The following SLC30A9 variants were observed in gnomAD, a reference collection of about 807,000 sequenced individuals.
SLC30A9 encodes the protein solute carrier family 30 member 9.
In SLC30A9, 58 loss-of-function variants were observed where a neutral mutation model predicts 87.5. That is an observed-to-expected ratio of 0.66 (90% confidence interval 0.54 to 0.82). SLC30A9 has a LOEUF of 0.82. SLC30A9 is among the 40% of genes least tolerant of loss of function. The pLI, the probability that SLC30A9 is intolerant of heterozygous loss-of-function variation, is 0.00. For missense variants in SLC30A9, 557 were observed against 679.1 expected (o/e 0.82, Z 2.00); for synonymous variants, 234 against 233.0 (o/e 1.00, Z -0.04).
intron 1 of SLC30A9, among the ~76,000 whole-genome samples, chr4:41,998,019 A>C (rs1714799014): frequency 6.6e-6 from 1 of 152,132 alleles, no homozygotes; most frequent in African/African-American, 2.4e-5. Context: ...TATACAGTAG[A>C]CTGAGTTGTC....
At chr4:42,025,639 G>T (rs917570343) in intron 6 of SLC30A9, among the ~76,000 whole-genome samples, 8 of 152,084 alleles carry the variant, frequency 5.3e-5, no homozygotes, top group Non-Finnish European at 8.8e-5. Flanking sequence ...AGGATTTTTG[G>T]CCTCAGAAAA....
intron 6 of SLC30A9, chr4:42,030,102 A>T (rs1716359897): frequency 1.1e-6 from 1 of 933,180 alleles, no homozygotes; most frequent in Admixed American, 2.8e-5. Flanking sequence ...CCTTTGATGT[A>T]AAAATTGAAG....
chr4:42,082,473 A>G (rs1331976509), intron 17 of SLC30A9, among the ~76,000 whole-genome samples: 1 of 152,186 alleles, frequency 6.6e-6, no homozygotes, highest in Admixed American at 6.5e-5. Context: ...ACACTCATTT[A>G]TATAATTCTG....
chr4:42,034,825 A>G (rs1716611976), intron 6 of SLC30A9, among the ~76,000 whole-genome samples: 5 of 152,144 alleles, frequency 3.3e-5, no homozygotes, highest in Admixed American at 2.6e-4. Flanking sequence ...TGGTAATTCT[A>G]TGTTACAGTT....
chr4:42,065,367 G>A lies in SLC30A9; in HGVS notation c.1072+18G>A. 1 of 1,238,976 alleles carries A rather than the reference G, an allele frequency of 8.1e-7. No individual in the cohort carries two copies. Among genetic ancestry groups the A allele is most frequent in the African/African-American group, 1.5e-5 (1 of 67,786 alleles). 76.7% of individuals were successfully genotyped at this position (1,238,976 alleles called of 1,614,324 possible). On this transcript the variant is annotated intron_variant, in intron 12 of 17. Coordinates refer to ENST00000264451, the MANE Select transcript of SLC30A9 (RefSeq NM_006345.4). ...TGAAGGAGGTATGTACTGTCACAAA[G>A]TATGTCTCTATTCTTAATTTAGTAA...
chr4:42,069,492 C>T (rs758836841), intron 14 of SLC30A9, among the ~76,000 whole-genome samples: 1 of 152,154 alleles, frequency 6.6e-6, no homozygotes, highest in Non-Finnish European at 1.5e-5. Flanking sequence ...AATTACAAAA[C>T]TTCTAATGGA....
chr4:42,073,969 A>G (rs116161912), intron 15 of SLC30A9, among the ~76,000 whole-genome samples: 70 of 152,338 alleles, frequency 4.6e-4, no homozygotes, highest in Non-Finnish European at 9.1e-4. Flanking sequence ...AGGAAAAAGT[A>G]TATCTAAATA....
chr4:42,013,415 A>G (rs961947439), intron 2 of SLC30A9, among the ~76,000 whole-genome samples: 3 of 152,218 alleles, frequency 2.0e-5, no homozygotes, highest in African/African-American at 7.2e-5. Context: ...TTTCTGGGCA[A>G]CAAGAAAAAA....
intron 9 of SLC30A9, among the ~76,000 whole-genome samples, chr4:42,056,098 A>T (rs1407007917): frequency 2.0e-5 from 3 of 152,190 alleles, no homozygotes; most frequent in Non-Finnish European, 4.4e-5. Context: ...ACTAATAAAT[A>T]TGGTCCATAT....
At chr4:42,021,621 A>C (rs945465378) in intron 4 of SLC30A9, among the ~76,000 whole-genome samples, 1 of 152,246 alleles carries the variant, frequency 6.6e-6, no homozygotes. Flanking sequence ...TTATGACATC[A>C]TTCCTTTGAA....
intron 2 of SLC30A9, among the ~76,000 whole-genome samples, chr4:42,006,289 C>G (rs1053876492): frequency 6.6e-6 from 1 of 152,144 alleles, no homozygotes; most frequent in African/African-American, 2.4e-5. Flanking sequence ...AGGGGAAATT[C>G]ATTAATGGTG....
In SLC30A9 at chr4:41,990,772, G is replaced by C; in HGVS notation, c.109+12G>C. The C allele has an allele frequency of 3.8e-6, 6 of 1,592,294 alleles. No homozygotes were observed. The highest frequency in any genetic ancestry group is 5.1e-6 in the Non-Finnish European group (6 of 1,165,162). Reference sequence around the variant, plus strand: ...CAGCGACCGCCAGGGTGAGTGTCCCGCGCTGGCCGCTGGCTCCGTAGAAGC... The same window carrying C: ...CAGCGACCGCCAGGGTGAGTGTCCCCCGCTGGCCGCTGGCTCCGTAGAAGC... On this transcript the variant is annotated intron_variant, in intron 1 of 17. Transcript: ENST00000264451.
At position 42,001,730 on chromosome 4, in the gene SLC30A9, G is replaced by A. The variant is rs777066247; in HGVS notation, c.224G>A (p.Gly75Glu). The A allele has an allele frequency of 3.7e-6, 6 of 1,611,534 alleles. No individual in the cohort carries two copies. Among genetic ancestry groups the A allele is most frequent in the African/African-American group, 1.3e-5 (1 of 74,884 alleles). ...TACTCCACAAATGTTCAGAAAGAAG[G>A]ACAGGGATCACAAACACTCAGAGTG... Reference protein sequence around the residue: ...KLYSTNVQKEGQGSQTLRVEK... With the variant: ...KLYSTNVQKEEQGSQTLRVEK... The change falls in exon 2 of 18, where the codon GGA becomes GAA. Residue 75 changes from glycine to glutamate, a missense_variant. By Grantham distance (98) the Gly-to-Glu change is moderately conservative. Coordinates refer to ENST00000264451, the MANE Select transcript of SLC30A9 (RefSeq NM_006345.4).
rs113427044 is a variant in SLC30A9 at position 42,075,620 on chromosome 4, G to A, written c.1419-37G>A. 2.1e-4 allele frequency: 337 copies of A among 1,571,232 alleles called. 1 individual carries two copies. The African/African-American group carries it at 4.1e-3, about 19-fold the overall frequency. ...TTAAAGTATATATATGTGTATGTAT[G>A]TATAAATAAATTTGTATGCATTGTT... On this transcript the variant is annotated intron_variant, in intron 15 of 17. Transcript: ENST00000264451.
intron 9 of SLC30A9, among the ~76,000 whole-genome samples, chr4:42,053,062 C>T (rs1011472540): frequency 1.3e-5 from 2 of 152,212 alleles, no homozygotes; most frequent in East Asian, 3.9e-4. Flanking sequence ...AAGATTTGGG[C>T]AGGTACTTCA....
chr4:42,031,070 A>G (rs1247090943), intron 6 of SLC30A9, among the ~76,000 whole-genome samples: 2 of 152,262 alleles, frequency 1.3e-5, no homozygotes, highest in African/African-American at 4.8e-5. Flanking sequence ...AGTGTATGAA[A>G]TAAACCACAG....
In SLC30A9 at chr4:42,034,224, CTTTATCTCA is replaced by C. The variant is rs559078966; in HGVS notation, c.611-1048_611-1040del. Reference sequence around the variant, plus strand: ...TGAGAAAAGAATCTTACCAAACTGTCTTTATCTCATTGCAAATCCAGATTTTCCTGCCTC... The same window carrying C: ...TGAGAAAAGAATCTTACCAAACTGTCTTGCAAATCCAGATTTTCCTGCCTC... On this transcript the variant is annotated intron_variant, in intron 6 of 17. Transcript: ENST00000264451. 8.2e-3 allele frequency among the ~76,000 whole-genome samples: 1,253 copies of C among 152,214 alleles called. 22 individuals carry two copies. Among genetic ancestry groups the C allele is most frequent in the African/African-American group, 0.029 (1,193 of 41,550 alleles).
chr4:41,999,403 A>G (rs962323619), intron 1 of SLC30A9, among the ~76,000 whole-genome samples: 1 of 152,236 alleles, frequency 6.6e-6, no homozygotes, highest in Admixed American at 6.5e-5. Context: ...AAATGATTCT[A>G]AGCATTGAAG....
rs1268645899 is a variant in SLC30A9, at chr4:41,990,564, C to G, written c.-88C>G. 4.0e-6 allele frequency: 3 copies of G among 752,366 alleles called. No individual in the cohort carries two copies. Among genetic ancestry groups the G allele is most frequent in the Non-Finnish European group, 6.4e-6 (3 of 468,422 alleles). 46.6% of individuals were successfully genotyped at this position (752,366 alleles called of 1,614,324 possible). Reference sequence around the variant, plus strand: ...GTGGCGGCGAAGCCATCGGTGTTCGCTGATGTCCAGTCTATGGAGTCAGTT... The same window carrying G: ...GTGGCGGCGAAGCCATCGGTGTTCGGTGATGTCCAGTCTATGGAGTCAGTT... On this transcript the variant is annotated 5_prime_UTR_variant, in exon 1 of 18. Transcript: ENST00000264451.
Sources: gnomAD v4.1 joint callset for allele counts (sites outside exome capture counted in the v4.1 genomes callset) on GRCh38, gnomAD v4.1.1 for gene constraint, MANE v1.5 for transcripts, NCBI Gene and HGNC (gene_info 2026-07-23, HGNC 2026-07-21) for gene names.